Variants in PTPRM observed in about 807,000 individuals in gnomAD.
PTPRM encodes the protein receptor-type tyrosine-protein phosphatase mu.
A neutral mutation model predicts 186.7 loss-of-function variants in PTPRM; 47 were observed. That is an observed-to-expected ratio of 0.25 (90% CI 0.20 to 0.32). The LOEUF (loss-of-function observed/expected upper bound fraction) is 0.32, where lower values mean the gene tolerates loss of function less well. Among genes scored for constraint, PTPRM ranks in the 10% least tolerant of loss-of-function variants. The probability of loss-of-function intolerance (pLI) is 1.00; values close to 1 mark genes in which losing one functional copy is unlikely to be tolerated. For synonymous variants in PTPRM, 668 were observed against 674.9 expected, an observed-to-expected ratio of 0.99 and a Z score of 0.16; for missense variants, 1,494 against 1,865.0, an observed-to-expected ratio of 0.80 and a Z score of 3.66.
intron 3 of PTPRM, among the ~76,000 whole-genome samples, chr18:7,897,743 CGCTATATGCATATCAACCCT>C (rs2049441309): frequency 6.6e-6 from 1 of 152,038 alleles, no homozygotes; most frequent in Non-Finnish European, 1.5e-5. Context: ...CGTGGTCTGC[CGCTATATGCATATCAACCCT>C]GTTCTTTATG....
chr18:8,031,725 T>C (rs1302233768), intron 7 of PTPRM, among the ~76,000 whole-genome samples: 3 of 152,174 alleles, frequency 2.0e-5, no homozygotes, highest in African/African-American at 7.2e-5. Context: ...TGTGTGGAGA[T>C]ATGACGGTTG....
At chr18:8,172,462 A>G (rs1387448695) in intron 14 of PTPRM, among the ~76,000 whole-genome samples, 3 of 152,094 alleles carry the variant, frequency 2.0e-5, no homozygotes, top group Non-Finnish European at 4.4e-5. Context: ...CAATAGTCCA[A>G]GGAACCTGTC....
At chr18:7,632,861 A>G (rs561243195) in intron 1 of PTPRM, among the ~76,000 whole-genome samples, 162 of 152,330 alleles carry the variant, frequency 1.1e-3, no homozygotes, top group South Asian at 8.3e-3. Flanking sequence ...AAATTCAGCA[A>G]TTGCCTCAGT....
intron 1 of PTPRM, among the ~76,000 whole-genome samples, chr18:7,769,338 C>A (rs1265897018): frequency 6.6e-6 from 1 of 152,030 alleles, no homozygotes; most frequent in Non-Finnish European, 1.5e-5. Flanking sequence ...ACTTTGTATG[C>A]CTTGGTTTCT....
rs1238769024 is a variant in PTPRM, at chr18:8,042,663, G to C, written c.1133-27023G>C. Among the ~76,000 whole-genome samples the C allele has an allele frequency of 2.6e-5, 4 of 151,924 alleles. No individual in the cohort carries two copies. In the East Asian group the frequency reaches 7.8e-4, roughly 30 times the overall value. On this transcript the variant is annotated intron_variant, in intron 7 of 32. Coordinates refer to ENST00000580170, the MANE Select transcript of PTPRM (RefSeq NM_001105244.2). ...CAGATCTAGTGTAAGTGACATGCTG[G>C]GTGTCCTTTGAGGATATCTCAAGCA...
chr18:8,390,961 A>ATAG (rs1358362965), intron 31 of PTPRM, among the ~76,000 whole-genome samples: 13 of 149,772 alleles, frequency 8.7e-5, no homozygotes, highest in African/African-American at 3.2e-4. Context: ...AATAATAATA[A>ATAG]TAATAATAAA....
chr18:8,195,425 T>C (rs1026739206), intron 14 of PTPRM, among the ~76,000 whole-genome samples: 2 of 152,110 alleles, frequency 1.3e-5, no homozygotes, highest in Non-Finnish European at 2.9e-5. Flanking sequence ...AAAATCCTAT[T>C]ACTAGTTATC....
chr18:7,875,285 G>T (rs1209468860), intron 2 of PTPRM, among the ~76,000 whole-genome samples: 1 of 151,796 alleles, frequency 6.6e-6, no homozygotes, highest in Non-Finnish European at 1.5e-5. Flanking sequence ...TGTATCCTAG[G>T]ATACTATGCG....
intron 1 of PTPRM, among the ~76,000 whole-genome samples, chr18:7,617,529 A>G (rs1330257379): frequency 2.6e-5 from 4 of 152,188 alleles, no homozygotes; most frequent in African/African-American, 7.2e-5. Flanking sequence ...ATTTATTGAA[A>G]TGAGTCAGAT....
intron 7 of PTPRM, among the ~76,000 whole-genome samples, chr18:8,050,170 A>T (rs1314199527): frequency 6.6e-6 from 1 of 152,306 alleles, no homozygotes; most frequent in East Asian, 1.9e-4. Context: ...TTAATTTTGG[A>T]GGGAGAACCT....
At chr18:7,988,524 C>T (rs751008698) in intron 7 of PTPRM, among the ~76,000 whole-genome samples, 58 of 152,132 alleles carry the variant, frequency 3.8e-4, no homozygotes, top group Non-Finnish European at 7.4e-4. Flanking sequence ...ACATTGGTAT[C>T]ATCCCTTACT....
rs146327454 is a variant in PTPRM at position 8,362,205 on chromosome 18, G to A, written c.3055-8685G>A. On this transcript the variant is annotated intron_variant, in intron 23 of 32. Coordinates refer to ENST00000580170, the MANE Select transcript of PTPRM (RefSeq NM_001105244.2). Reference sequence around the variant, plus strand: ...AACTGCTCCCAGCTCTGCCATATCCGACCTACTCACACATCCCTTGTCGCA... The same window carrying A: ...AACTGCTCCCAGCTCTGCCATATCCAACCTACTCACACATCCCTTGTCGCA... 1.4e-4 allele frequency among the ~76,000 whole-genome samples: 21 copies of A among 152,242 alleles called. No individual in the cohort carries two copies. In the East Asian group the frequency reaches 2.9e-3, roughly 21 times the overall value.
rs76946624 is a variant in PTPRM at position 8,395,161 on chromosome 18, T to G, written c.4344+550T>G. ...CTCTTTTTATGTGGAGCTGTTGAAA[T>G]GCCAACCACCGTGACTCTAGAATAG... On this transcript the variant is annotated intron_variant, in intron 32 of 32. Transcript: ENST00000580170. 1.2e-3 allele frequency among the ~76,000 whole-genome samples: 187 copies of G among 152,236 alleles called. No individual in the cohort carries two copies. In the Middle Eastern group the frequency reaches 0.014, roughly 11 times the overall value.
At chr18:7,791,955 T>C (rs1598735300) in intron 2 of PTPRM, among the ~76,000 whole-genome samples, 1 of 152,186 alleles carries the variant, frequency 6.6e-6, no homozygotes, top group African/African-American at 2.4e-5. Flanking sequence ...CCTAATATTT[T>C]CATAAAATAT....
intron 5 of PTPRM, among the ~76,000 whole-genome samples, chr18:7,929,448 CAAG>C (rs1391129334): frequency 2.0e-5 from 3 of 152,098 alleles, no homozygotes; most frequent in Non-Finnish European, 2.9e-5. Context: ...ACTGCGCTGT[CAAG>C]AAGGAGATGA....
At chr18:8,161,516 G>A (rs149946242) in intron 14 of PTPRM, among the ~76,000 whole-genome samples, 1 of 152,200 alleles carries the variant, frequency 6.6e-6, no homozygotes, top group Admixed American at 6.5e-5. Context: ...TCCCCTGAGG[G>A]AAGGGAGAAA....
intron 14 of PTPRM, among the ~76,000 whole-genome samples, chr18:8,207,521 T>C (rs973330370): frequency 1.1e-4 from 16 of 152,190 alleles, no homozygotes; most frequent in African/African-American, 3.9e-4. Flanking sequence ...AATCCTGTGT[T>C]TTCAGGAAAA....
chr18:8,297,599 A>G (rs2095110681), intron 20 of PTPRM, among the ~76,000 whole-genome samples: 3 of 152,226 alleles, frequency 2.0e-5, no homozygotes, highest in Admixed American at 6.5e-5. Flanking sequence ...GCTGTTCAAG[A>G]GTTTGACAAC....
chr18:8,357,432 A>G (rs570094554), intron 23 of PTPRM, among the ~76,000 whole-genome samples: 63 of 152,230 alleles, frequency 4.1e-4, no homozygotes, highest in Non-Finnish European at 6.8e-4. Flanking sequence ...TATCCCCCCA[A>G]TTTGTCAACT....
Sources: allele counts gnomAD v4.1 joint callset (sites outside exome capture counted in the v4.1 genomes callset), GRCh38; gene constraint gnomAD v4.1.1; transcripts MANE v1.5; gene names NCBI Gene and HGNC (gene_info 2026-07-23, HGNC 2026-07-21).